The following PKN2 variants were observed in gnomAD, a reference collection of about 807,000 sequenced individuals.
The protein encoded by PKN2 is protein kinase N2.
A neutral mutation model predicts 119.1 loss-of-function variants in PKN2; 38 were observed. The observed-to-expected ratio is 0.32, with a 90% CI of 0.25 to 0.42. PKN2 has a LOEUF of 0.42. Among genes scored for constraint, PKN2 ranks in the 10% least tolerant of loss-of-function variants. PKN2 has a pLI of 1.00. For synonymous variants in PKN2, 390 were observed against 384.9 expected (o/e 1.01, Z -0.15); for missense variants, 850 against 1,165.1 (o/e 0.73, Z 3.94).
At chr1:88,691,549 A>C (rs1289554691) in intron 1 of PKN2, among the ~76,000 whole-genome samples, 1 of 152,144 alleles carries the variant, frequency 6.6e-6, no homozygotes, top group African/African-American at 2.4e-5. Flanking sequence ...TTAATCACCT[A>C]TCTGTCTGTC....
chr1:88,709,479 G>A (rs1557555033), intron 1 of PKN2, among the ~76,000 whole-genome samples: 1 of 152,168 alleles, frequency 6.6e-6, no homozygotes. Context: ...AGGATCACAC[G>A]TTGAGAACTG....
intron 18 of PKN2, 110 bp downstream of exon 18, chr1:88,824,496 C>A (rs937658964): frequency 1.4e-5 from 9 of 659,152 alleles, no homozygotes; most frequent in Admixed American, 7.7e-5. Context: ...TAACTTTATT[C>A]TTCATTAAGA....
At chr1:88,813,775 G>C (rs147063915) in intron 16 of PKN2, 42 bp downstream of exon 16, 10 of 1,435,664 alleles carry the variant, frequency 7.0e-6, no homozygotes, top group Middle Eastern at 1.8e-4. Flanking sequence ...TTCCATGACT[G>C]ATTTCATTCT....
intron 2 of PKN2, among the ~76,000 whole-genome samples, chr1:88,742,900 C>T (rs1668630545): frequency 6.6e-6 from 1 of 152,134 alleles, no homozygotes; most frequent in African/African-American, 2.4e-5. Flanking sequence ...TAAAAGTTAA[C>T]TTTATTGTGG....
At chr1:88,781,355 G>C (rs1670335062) in intron 6 of PKN2, among the ~76,000 whole-genome samples, 1 of 151,358 alleles carries the variant, frequency 6.6e-6, no homozygotes, top group South Asian at 2.1e-4. Flanking sequence ...TTTTATAAGA[G>C]GATATTTCTG....
At chr1:88,738,552 C>A (rs1179575810) in intron 1 of PKN2, among the ~76,000 whole-genome samples, 2 of 152,110 alleles carry the variant, frequency 1.3e-5, no homozygotes. Context: ...GTTTAAGGAA[C>A]AAAGTGGAAA....
At chr1:88,689,158 A>C (rs1425231769) in intron 1 of PKN2, among the ~76,000 whole-genome samples, 2 of 152,230 alleles carry the variant, frequency 1.3e-5, no homozygotes, top group African/African-American at 2.4e-5. Context: ...TAGTTAAGAC[A>C]GACTTTACAT....
At chr1:88,715,928 T>A (rs528051147) in intron 1 of PKN2, among the ~76,000 whole-genome samples, 42 of 152,342 alleles carry the variant, frequency 2.8e-4, no homozygotes, top group African/African-American at 7.9e-4. Flanking sequence ...CTTATGGGCA[T>A]TTAGTGCTAT....
chr1:88,804,044 A>G (rs1671438524), intron 8 of PKN2, among the ~76,000 whole-genome samples: 1 of 152,192 alleles, frequency 6.6e-6, no homozygotes. Flanking sequence ...CATGATGGCA[A>G]ATAGAGGAGG....
At position 88,804,370 on chromosome 1, in the gene PKN2, TA is replaced by T. The variant is rs760999904; in HGVS notation, c.1282-20del. The T allele has an allele frequency of 7.5e-5, 118 of 1,563,434 alleles. No homozygotes were observed. In the African/African-American group the frequency reaches 9.1e-4, roughly 12 times the overall value. ...ATGATGTCTTTTCTGTTTTCTTTAT[TA>T]TTTTTTTTAATTATCCTAGTCACGT... is the stretch of plus-strand genomic sequence containing the variant. On this transcript the variant is annotated intron_variant, in intron 8 of 21. Coordinates refer to ENST00000370521, the MANE Select transcript of PKN2 (RefSeq NM_006256.4).
intron 15 of PKN2, 44 bp from the exon 16 acceptor site, chr1:88,813,513 G>C (rs1420784048): frequency 2.3e-6 from 3 of 1,316,344 alleles, no homozygotes; most frequent in Non-Finnish European, 3.1e-6. Context: ...TTTCCAACTA[G>C]AATTATTTTT....
intron 1 of PKN2, among the ~76,000 whole-genome samples, chr1:88,714,394 T>C (rs1429351707): frequency 6.6e-6 from 1 of 152,212 alleles, no homozygotes; most frequent in Non-Finnish European, 1.5e-5. Context: ...TTTCACGATA[T>C]TGATTCTTCC....
chr1:88,725,457 A>G (rs1667858436), intron 1 of PKN2, among the ~76,000 whole-genome samples: 1 of 152,190 alleles, frequency 6.6e-6, no homozygotes, highest in African/African-American at 2.4e-5. Context: ...GGTGTTTATT[A>G]GACATCTATT....
At chr1:88,736,241 G>A (rs1668343460) in intron 1 of PKN2, among the ~76,000 whole-genome samples, 1 of 152,136 alleles carries the variant, frequency 6.6e-6, no homozygotes, top group Non-Finnish European at 1.5e-5. Context: ...AGTTCATTGA[G>A]TTTCCTTAAA....
At chr1:88,833,042 T>C (rs771151382) in intron 20 of PKN2, 35 bp from the exon 21 acceptor site, 10 of 1,536,132 alleles carry the variant, frequency 6.5e-6, no homozygotes, top group Non-Finnish European at 8.8e-6. Flanking sequence ...ATTCTATTGG[T>C]TTTATTTTAA....
chr1:88,712,062 A>G (rs750804743), intron 1 of PKN2, among the ~76,000 whole-genome samples: 1 of 152,138 alleles, frequency 6.6e-6, no homozygotes, highest in Non-Finnish European at 1.5e-5. Flanking sequence ...TTAGTGATAC[A>G]TTATTGGTTT....
chr1:88,690,330 A>T (rs1435575347), intron 1 of PKN2, among the ~76,000 whole-genome samples: 1 of 152,222 alleles, frequency 6.6e-6, no homozygotes, highest in Non-Finnish European at 1.5e-5. Flanking sequence ...CATCACCTAA[A>T]ATAATGTTAC....
In PKN2 at chr1:88,706,245, A is replaced by T. The variant is rs541272533; in HGVS notation, c.48+21617A>T. ...ATGTCTGTAAGTACTGCATGTTTTT[A>T]TGCCATTTTAAATGGTATTTTAAAA... On this transcript the variant is annotated intron_variant, in intron 1 of 21. Transcript: ENST00000370521. 3.9e-5 allele frequency among the ~76,000 whole-genome samples: 6 copies of T among 152,176 alleles called. No individual in the cohort carries two copies. The East Asian group carries it at 1.2e-3, about 29-fold the overall frequency.
chr1:88,793,632 A>G (rs1030034280), intron 8 of PKN2, among the ~76,000 whole-genome samples: 30 of 152,110 alleles, frequency 2.0e-4, no homozygotes, highest in African/African-American at 7.2e-4. Flanking sequence ...GTCCCTTGGT[A>G]TCCATGGGGA....
Sources: gnomAD v4.1 joint callset for allele counts (sites outside exome capture counted in the v4.1 genomes callset) on GRCh38, gnomAD v4.1.1 for gene constraint, MANE v1.5 for transcripts, NCBI Gene and HGNC (gene_info 2026-07-23, HGNC 2026-07-21) for gene names.